NOL4: variants seen among roughly 807,000 people sequenced by gnomAD.
The protein encoded by NOL4 is nucleolar protein 4.
Under a neutral mutation model 75.9 loss-of-function variants are expected in NOL4, and 17 were observed. The ratio of observed to expected loss-of-function variants is 0.22; its 90% CI spans 0.15 to 0.34. The LOEUF is 0.34. Ranked by LOEUF, NOL4 falls within the 10% of genes least tolerant of loss-of-function variation. The pLI is 1.00. For missense variants in NOL4, 614 were observed against 793.5 expected, an observed-to-expected ratio of 0.77 and a Z score of 2.72; for synonymous variants, 292 against 289.9, an observed-to-expected ratio of 1.01 and a Z score of -0.07.
chr18:34,207,544 G>A (rs540131597), intron 1 of NOL4, among the ~76,000 whole-genome samples: 4 of 152,144 alleles, frequency 2.6e-5, no homozygotes, highest in African/African-American at 9.7e-5. Context: ...CTTTGCCATG[G>A]TGCTTTGCAT....
At chr18:33,969,758 C>CAA (rs5823932) in intron 6 of NOL4, among the ~76,000 whole-genome samples, 1,579 of 140,888 alleles carry the variant, frequency 0.011, 28 homozygotes, top group African/African-American at 0.026. Context: ...AGTGCTTGTC[C>CAA]AAAAAAAAAA....
intron 2 of NOL4, among the ~76,000 whole-genome samples, chr18:34,129,529 T>C (rs1439185161): frequency 6.6e-6 from 1 of 151,710 alleles, no homozygotes; most frequent in African/African-American, 2.4e-5. Flanking sequence ...AAAGTTCTTA[T>C]GTTCCAGTCC....
At chr18:34,094,474 A>G (rs1012650361) in intron 4 of NOL4, among the ~76,000 whole-genome samples, 17 of 152,212 alleles carry the variant, frequency 1.1e-4, no homozygotes, top group African/African-American at 3.1e-4. Context: ...AAATGGAATT[A>G]CCAAAAGGCC....
chr18:34,158,772 ATAAT>A (rs2030913705), intron 1 of NOL4: 1 of 152,222 alleles, frequency 6.6e-6, no homozygotes, highest in Admixed American at 6.5e-5. Flanking sequence ...ATTTCTTCTG[ATAAT>A]TAAATAGGGC....
intron 1 of NOL4, among the ~76,000 whole-genome samples, chr18:34,189,154 G>A (rs1263568218): frequency 6.6e-6 from 1 of 152,132 alleles, no homozygotes; most frequent in Non-Finnish European, 1.5e-5. Flanking sequence ...GCCAGCGTTG[G>A]ATTAGGGCCT....
intron 4 of NOL4, among the ~76,000 whole-genome samples, chr18:34,100,072 G>T (rs1404566299): frequency 2.7e-5 from 4 of 148,944 alleles, no homozygotes; most frequent in Admixed American, 2.7e-4. Context: ...TGAATTAGGA[G>T]CAAACAGCAG....
intron 5 of NOL4, among the ~76,000 whole-genome samples, chr18:34,071,802 G>A (rs1017833132): frequency 1.3e-5 from 2 of 152,020 alleles, no homozygotes; most frequent in African/African-American, 4.8e-5. Flanking sequence ...ATTTATAATG[G>A]GTTTATTGAG....
chr18:33,975,291 A>G (rs1171728191), intron 6 of NOL4, among the ~76,000 whole-genome samples: 1 of 152,234 alleles, frequency 6.6e-6, no homozygotes, highest in Non-Finnish European at 1.5e-5. Context: ...AATAGTTAAG[A>G]TGCTAAAATT....
chr18:34,010,979 C>CA (rs548469209), intron 6 of NOL4, among the ~76,000 whole-genome samples: 12 of 151,354 alleles, frequency 7.9e-5, no homozygotes, highest in Non-Finnish European at 1.2e-4. Flanking sequence ...GGGTTGTTTG[C>CA]AAAAAATATA....
chr18:34,110,613 A>T (rs992026015), intron 2 of NOL4, among the ~76,000 whole-genome samples: 1 of 152,186 alleles, frequency 6.6e-6, no homozygotes, highest in Non-Finnish European at 1.5e-5. Flanking sequence ...TTTTCTTCTA[A>T]AATCAAGAAT....
intron 10 of NOL4, among the ~76,000 whole-genome samples, chr18:33,882,663 C>T (rs2064366791): frequency 6.6e-6 from 1 of 150,910 alleles, no homozygotes; most frequent in Admixed American, 6.6e-5. Context: ...CCTCAGGGAT[C>T]TAGAACTGGA....
intron 6 of NOL4, among the ~76,000 whole-genome samples, chr18:33,984,062 T>C (rs2072228064): frequency 6.6e-6 from 1 of 152,108 alleles, no homozygotes; most frequent in African/African-American, 2.4e-5. Context: ...TTTTCCAGGA[T>C]CATAGGAAAT....
intron 9 of NOL4, among the ~76,000 whole-genome samples, chr18:33,895,416 A>T (rs979784507): frequency 2.0e-5 from 3 of 152,134 alleles, no homozygotes; most frequent in Non-Finnish European, 4.4e-5. Flanking sequence ...CTCCATATTT[A>T]AAAAGTAAAT....
chr18:33,972,163 CAA>C (rs34438324), intron 6 of NOL4, among the ~76,000 whole-genome samples: 4 of 101,114 alleles, frequency 4.0e-5, no homozygotes, highest in Admixed American at 1.1e-4. Flanking sequence ...GACTCTGTCT[CAA>C]AAAAAAAAAA....
At chr18:34,147,443 C>G (rs2146052919) in intron 1 of NOL4, among the ~76,000 whole-genome samples, 1 of 152,194 alleles carries the variant, frequency 6.6e-6, no homozygotes, top group East Asian at 1.9e-4. Flanking sequence ...TAAATTTTAT[C>G]AAAGGCCTTT....
At chr18:34,222,139 T>TG in intron 1 of NOL4, 4 of 1,529,944 alleles carry the variant, frequency 2.6e-6, no homozygotes. Context: ...CACTGGCTTC[T>TG]GCAGCGTGAG....
intron 5 of NOL4, among the ~76,000 whole-genome samples, chr18:34,060,096 T>C (rs2077009537): frequency 6.6e-6 from 1 of 152,172 alleles, no homozygotes; most frequent in Non-Finnish European, 1.5e-5. Context: ...AAGTGGTTAT[T>C]GTTTTAAAGG....
At chr18:33,893,961 T>G (rs1191489375) in intron 9 of NOL4, among the ~76,000 whole-genome samples, 2 of 152,166 alleles carry the variant, frequency 1.3e-5, no homozygotes, top group Non-Finnish European at 2.9e-5. Flanking sequence ...TAAGATTTTC[T>G]ACTGGACTTC....
chr18:33,953,275 C>T (rs1402896702), intron 8 of NOL4, among the ~76,000 whole-genome samples: 5 of 124,298 alleles, frequency 4.0e-5, no homozygotes, highest in African/African-American at 8.3e-5. Flanking sequence ...TTTTTTCTAC[C>T]TAATTTTTTG....
Sources: allele counts gnomAD v4.1 joint callset (sites outside exome capture counted in the v4.1 genomes callset), GRCh38; gene constraint gnomAD v4.1.1; transcripts MANE v1.5; gene names NCBI Gene and HGNC (gene_info 2026-07-23, HGNC 2026-07-21).